SF3A3: variants seen among roughly 807,000 people sequenced by gnomAD.
The protein encoded by SF3A3 is SAP 61.
SF3A3 carries 9 observed loss-of-function variants against 85.8 expected under a neutral mutation model. That is an observed-to-expected ratio of 0.10 (90% CI 0.06 to 0.18). The LOEUF is 0.18. SF3A3 is among the 10% of genes least tolerant of loss of function. The pLI, the probability that SF3A3 is intolerant of heterozygous loss-of-function variation, is 1.00. For missense variants in SF3A3, 306 were observed against 593.3 expected, an observed-to-expected ratio of 0.52 and a Z score of 5.03; for synonymous variants, 195 against 204.4, an observed-to-expected ratio of 0.95 and a Z score of 0.39.
At chr1:37,969,326 C>G (rs773254487) in intron 14 of SF3A3, 28 bp downstream of exon 14, 11 of 1,526,920 alleles carry the variant, frequency 7.2e-6, no homozygotes, top group Non-Finnish European at 1.0e-5. Context: ...ACTTCAATTC[C>G]CAGGAAAAAT....
chr1:37,962,689 T>C (rs936450473), intron 15 of SF3A3, among the ~76,000 whole-genome samples: 39 of 151,638 alleles, frequency 2.6e-4, no homozygotes, highest in African/African-American at 9.4e-4. Flanking sequence ...CAGAGGGCTC[T>C]TTCTTAGCTT....
chr1:37,988,895 A>ATAT (rs1327185654), intron 2 of SF3A3, among the ~76,000 whole-genome samples: 26 of 147,264 alleles, frequency 1.8e-4, no homozygotes, highest in African/African-American at 6.3e-4. Context: ...ATATATATAT[A>ATAT]TTTTTTTTTT....
intron 12 of SF3A3, among the ~76,000 whole-genome samples, chr1:37,975,823 A>T (rs1646375707): frequency 6.6e-6 from 1 of 152,218 alleles, no homozygotes; most frequent in African/African-American, 2.4e-5. Flanking sequence ...CCATCCACTC[A>T]ACGGACCATG....
At position 37,957,987 on chromosome 1, in the gene SF3A3, A is replaced by T. The variant is rs1646231833; in HGVS notation, c.*199T>A. 1 of 557,098 alleles carries T rather than the reference A, an allele frequency of 1.8e-6. No homozygotes were observed. Among genetic ancestry groups the T allele is most frequent in the East Asian group, 2.9e-5 (1 of 34,764 alleles). The allele number at this position is 557,098 out of a possible 1,614,324, so 34.5% of individuals were successfully genotyped here. On this transcript the variant is annotated 3_prime_UTR_variant, in exon 17 of 17. Coordinates refer to ENST00000373019, the MANE Select transcript of SF3A3 (RefSeq NM_006802.4). ...ACAAGGTCTGGTTTTATTTTCTGGC[A>T]GAATCTTTTAAAATATAAAACAGAT...
intron 11 of SF3A3, among the ~76,000 whole-genome samples, chr1:37,977,955 T>C (rs553562230): frequency 5.9e-5 from 9 of 152,080 alleles, no homozygotes; most frequent in African/African-American, 1.9e-4. Flanking sequence ...AGGCGGAGTT[T>C]GCAGTGAGCC....
At position 37,970,456 on chromosome 1, in the gene SF3A3, A is replaced by G. The variant is rs1570459524; in HGVS notation, c.1006-721T>C. Among the ~76,000 whole-genome samples the G allele has an allele frequency of 2.0e-5, 3 of 152,284 alleles. No individual in the cohort carries two copies. In the South Asian group the frequency reaches 6.2e-4, roughly 32 times the overall value. ...TCAACATTAGACAGATCAACGAGAC[A>G]AAGTTAACAAGGATATCCAGGAATT... On this transcript the variant is annotated intron_variant, in intron 12 of 16. Coordinates refer to ENST00000373019, the MANE Select transcript of SF3A3 (RefSeq NM_006802.4).
chr1:37,964,181 TA>T (rs1269563408), intron 15 of SF3A3, among the ~76,000 whole-genome samples: 1 of 148,786 alleles, frequency 6.7e-6, no homozygotes, highest in African/African-American at 2.5e-5. Context: ...CCGTCTCAAA[TA>T]AAAAACAAGA....
intron 15 of SF3A3, among the ~76,000 whole-genome samples, chr1:37,967,728 C>T (rs1255483924): frequency 3.5e-5 from 5 of 142,408 alleles, no homozygotes; most frequent in African/African-American, 7.8e-5. Context: ...GGTGTGGTGG[C>T]ACGTGCCTGT....
In SF3A3 at chr1:37,968,103, A is replaced by G. The variant is rs1247592029; in HGVS notation, c.1313T>C (p.Leu438Ser). The change falls in exon 15 of 17, where the codon TTG becomes TCG. Residue 438 changes from leucine to serine, a missense_variant. By Grantham distance (145) the Leu-to-Ser change is moderately radical. This residue lies in a region of SF3A3 where 18 missense variants were observed against 77.4 expected (regional missense o/e 0.23). Transcript: ENST00000373019. ...EWRHAHGMRC[L>S]GIPNTAHFAN... The stretch of plus-strand genomic sequence containing the variant: ...AAAGTGAGCAGTGTTTGGGATGCCC[A>G]AACACCTCATGCCATGAGCATGACG... 1 of 1,613,072 alleles carries G rather than the reference A, an allele frequency of 6.2e-7. No homozygotes were observed. Among genetic ancestry groups the G allele is most frequent in the Non-Finnish European group, 8.5e-7 (1 of 1,179,088 alleles).
At chr1:37,973,790 AT>A (rs1238532661) in intron 12 of SF3A3, among the ~76,000 whole-genome samples, 13 of 152,248 alleles carry the variant, frequency 8.5e-5, no homozygotes, top group African/African-American at 2.9e-4. Context: ...ACTTACGTTT[AT>A]TGCAGCACTA....
chr1:37,971,351 G>A (rs1646343380), intron 12 of SF3A3, among the ~76,000 whole-genome samples: 1 of 152,112 alleles, frequency 6.6e-6, no homozygotes, highest in African/African-American at 2.4e-5. Context: ...TTCTGAAACT[G>A]AGGCAATAAT....
At chr1:37,958,917 C>T (rs535600698) in intron 16 of SF3A3, among the ~76,000 whole-genome samples, 1 of 152,110 alleles carries the variant, frequency 6.6e-6, no homozygotes, top group Non-Finnish European at 1.5e-5. Flanking sequence ...ATCATAAGAC[C>T]AACAAGGACA....
intron 12 of SF3A3, among the ~76,000 whole-genome samples, chr1:37,973,109 G>C (rs1211952605): frequency 1.3e-5 from 2 of 152,106 alleles, no homozygotes; most frequent in East Asian, 3.9e-4. Flanking sequence ...GAACCAGGAG[G>C]TGGAGGTTGC....
chr1:37,985,572 C>T (rs1334971185), intron 4 of SF3A3, among the ~76,000 whole-genome samples: 4 of 152,184 alleles, frequency 2.6e-5, no homozygotes, highest in Non-Finnish European at 5.9e-5. Flanking sequence ...ACATTCATGC[C>T]TGCATAGGTT....
intron 15 of SF3A3, among the ~76,000 whole-genome samples, chr1:37,966,382 T>G (rs1479595046): frequency 6.6e-6 from 1 of 152,170 alleles, no homozygotes; most frequent in Non-Finnish European, 1.5e-5. Flanking sequence ...CCGCTTCACT[T>G]TCTTCAAGAG....
At chr1:37,973,779 C>G (rs1396338236) in intron 12 of SF3A3, among the ~76,000 whole-genome samples, 1 of 152,200 alleles carries the variant, frequency 6.6e-6, no homozygotes, top group African/African-American at 2.4e-5. Flanking sequence ...GACACATGCA[C>G]ACTTACGTTT....
At chr1:37,959,081 T>C (rs1163776844) in intron 16 of SF3A3, among the ~76,000 whole-genome samples, 2 of 134,998 alleles carry the variant, frequency 1.5e-5, no homozygotes, top group Admixed American at 7.6e-5. Flanking sequence ...CTTTTTTTTC[T>C]TTTTTTTTTT....
chr1:37,960,107 C>G lies in SF3A3; in HGVS notation c.1428+13G>C. ...TTGACACTATCCCTAACACCATCCA[C>G]ATTAGTACCCACCTCAGTGTCAGGC... On this transcript the variant is annotated intron_variant, in intron 16 of 16. Coordinates refer to ENST00000373019, the MANE Select transcript of SF3A3 (RefSeq NM_006802.4). The G allele has an allele frequency of 6.2e-7, 1 of 1,612,704 alleles. No homozygotes were observed. The highest frequency in any genetic ancestry group is 1.1e-5 in the South Asian group (1 of 91,048).
chr1:37,964,344 G>C (rs1357131818), intron 15 of SF3A3, among the ~76,000 whole-genome samples: 1 of 151,278 alleles, frequency 6.6e-6, no homozygotes, highest in Non-Finnish European at 1.5e-5. Context: ...AGACACACGT[G>C]TTGTAATCCC....
Sources: gnomAD v4.1 joint callset for allele counts (sites outside exome capture counted in the v4.1 genomes callset) on GRCh38, gnomAD v4.1.1 for gene constraint, gnomAD v4.1.1 regional missense constraint, MANE v1.5 for transcripts, NCBI Gene and HGNC (gene_info 2026-07-23, HGNC 2026-07-21) for gene names.